The following PIP4P2 variants were observed in gnomAD, a reference collection of about 807,000 sequenced individuals.
The protein encoded by PIP4P2 is phosphatidylinositol-4,5-bisphosphate 4-phosphatase 2.
Under a neutral mutation model 33.3 loss-of-function variants are expected in PIP4P2, and 19 were observed. The observed-to-expected ratio is 0.57, with a 90% CI of 0.40 to 0.84. The LOEUF is 0.84. PIP4P2 is among the 40% of genes least tolerant of loss of function. The pLI, the probability that PIP4P2 is intolerant of heterozygous loss-of-function variation, is 0.00. For missense variants in PIP4P2, 270 were observed against 324.7 expected, an observed-to-expected ratio of 0.83 and a Z score of 1.29; for synonymous variants, 110 against 111.9, an observed-to-expected ratio of 0.98 and a Z score of 0.11.
chr8:91,025,197 G>T (rs547668928), intron 1 of PIP4P2, among the ~76,000 whole-genome samples: 1 of 144,002 alleles, frequency 6.9e-6, no homozygotes, highest in Middle Eastern at 3.3e-3. Context: ...GGGTGGGGGG[G>T]AATTAGAATA....
At chr8:90,996,787 T>C (rs976057056) in intron 5 of PIP4P2, 43 bp from the exon 6 acceptor site, 2 of 1,490,254 alleles carry the variant, frequency 1.3e-6, no homozygotes, top group African/African-American at 2.8e-5. Flanking sequence ...AGTATTTACA[T>C]AAAAATTCTC....
intron 4 of PIP4P2, among the ~76,000 whole-genome samples, chr8:91,017,706 C>G (rs1486705359): frequency 2.0e-5 from 3 of 151,936 alleles, no homozygotes; most frequent in African/African-American, 7.3e-5. Context: ...TTTTCATATT[C>G]AAGTTCTAAA....
At chr8:91,033,736 C>T (rs750828024) in intron 1 of PIP4P2, among the ~76,000 whole-genome samples, 10 of 152,248 alleles carry the variant, frequency 6.6e-5, no homozygotes, top group Non-Finnish European at 1.2e-4. Flanking sequence ...TTCTGCTGTC[C>T]TCTAAGTCAC....
In PIP4P2 at chr8:91,018,505, A is replaced by G. The variant is rs1811952093; in HGVS notation, c.371T>C (p.Ile124Thr). 1.2e-6 allele frequency: 2 copies of G among 1,613,216 alleles called. No individual in the cohort carries two copies. The highest frequency in any genetic ancestry group is 1.7e-6 in the Non-Finnish European group (2 of 1,179,794). ...IGCPRPNCRRIINLGPVMLIS... is the reference protein window; with the variant it reads ...IGCPRPNCRRTINLGPVMLIS... Reference sequence around the variant, plus strand: ...AAGCATTACTGGGCCAAGGTTAATTATCCGTCTACTGTGAAAAGAGAAAGG... The same window carrying G: ...AAGCATTACTGGGCCAAGGTTAATTGTCCGTCTACTGTGAAAAGAGAAAGG... The change falls in exon 4 of 7, where the codon ATA becomes ACA. Residue 124 changes from isoleucine (I) to threonine (T), a missense_variant. Ile to Thr is a moderately conservative substitution (Grantham distance 89, BLOSUM62 -1). Coordinates refer to ENST00000285419, the MANE Select transcript of PIP4P2 (RefSeq NM_018710.3).
At chr8:91,025,065 A>G (rs1352071116) in intron 1 of PIP4P2, among the ~76,000 whole-genome samples, 1 of 152,060 alleles carries the variant, frequency 6.6e-6, no homozygotes, top group East Asian at 1.9e-4. Context: ...TAATACAGGG[A>G]AAATATTTAA....
chr8:90,994,348 T>C lies in PIP4P2; in HGVS notation c.*1329A>G, dbSNP rs368991715. The C allele has an allele frequency of 1.3e-5, 2 of 152,220 alleles. No individual in the cohort carries two copies. Among genetic ancestry groups the C allele is most frequent in the South Asian group, 2.1e-4 (1 of 4,830 alleles). The allele number at this position is 152,220 out of a possible 1,614,324, so 9.4% of individuals were successfully genotyped here. ...AGCTACAGCATTTATACATTTGTCA[T>C]TTACTCTTTGAAGTGTACATGTATT... is the stretch of plus-strand genomic sequence containing the variant. On this transcript the variant is annotated 3_prime_UTR_variant, in exon 7 of 7. Transcript: ENST00000285419.
At chr8:91,011,019 G>GAGATAGAT (rs3084284) in intron 4 of PIP4P2, among the ~76,000 whole-genome samples, 10,021 of 145,288 alleles carry the variant, frequency 0.069, 488 homozygotes, top group African/African-American at 0.12. Context: ...GTATCTTACT[G>GAGATAGAT]AGATAGATAG....
chr8:91,031,040 G>C (rs1311358580), intron 1 of PIP4P2, among the ~76,000 whole-genome samples: 1 of 152,062 alleles, frequency 6.6e-6, no homozygotes, highest in Non-Finnish European at 1.5e-5. Flanking sequence ...TTTGAAGCTG[G>C]GTCATAAAAG....
chr8:91,010,491 T>C (rs1048664216), intron 4 of PIP4P2, among the ~76,000 whole-genome samples: 1 of 151,936 alleles, frequency 6.6e-6, no homozygotes, highest in Non-Finnish European at 1.5e-5. Flanking sequence ...AAATTATGCA[T>C]GATAAAATCA....
intron 1 of PIP4P2, among the ~76,000 whole-genome samples, chr8:91,031,379 T>A (rs71528762): frequency 3.3e-5 from 5 of 152,358 alleles, no homozygotes; most frequent in Admixed American, 3.3e-4. Context: ...CTCTATATTG[T>A]TTCTCCTCTG....
rs915342119 is a variant in PIP4P2, at chr8:91,040,685, G to A, written c.65C>T (p.Thr22Ile). 4 of 1,613,380 alleles carry A rather than the reference G, an allele frequency of 2.5e-6. No homozygotes were observed. Among genetic ancestry groups the A allele is most frequent in the Non-Finnish European group, 3.4e-6 (4 of 1,180,046 alleles). The change falls in exon 1 of 7, where the codon ACT becomes ATT. Residue 22 changes from threonine to isoleucine, a missense_variant. By Grantham distance (89) the Thr-to-Ile change is moderately conservative. Coordinates refer to ENST00000285419, the MANE Select transcript of PIP4P2 (RefSeq NM_018710.3). ...LLSASHSGNVTPTAPPYLQES... is the reference protein window; with the variant it reads ...LLSASHSGNVIPTAPPYLQES... Reference sequence around the variant, plus strand: ...TTGCAAGTACGGTGGGGCGGTGGGAGTGACATTTCCGGAGTGGGATGCTGA... The same window carrying A: ...TTGCAAGTACGGTGGGGCGGTGGGAATGACATTTCCGGAGTGGGATGCTGA...
chr8:91,011,520 T>C (rs1355567450), intron 4 of PIP4P2, among the ~76,000 whole-genome samples: 1 of 152,040 alleles, frequency 6.6e-6, no homozygotes, highest in Non-Finnish European at 1.5e-5. Flanking sequence ...TGTTTGGACA[T>C]ACAACATAAA....
chr8:91,010,956 G>GT (rs1474156448), intron 4 of PIP4P2, among the ~76,000 whole-genome samples: 2 of 12,420 alleles, frequency 1.6e-4, no homozygotes, highest in Non-Finnish European at 2.6e-4. Flanking sequence ...TAGAAGATTT[G>GT]TAAAAAAAAA....
intron 5 of PIP4P2, among the ~76,000 whole-genome samples, chr8:91,006,494 CG>C (rs1811765555): frequency 6.6e-6 from 1 of 151,950 alleles, no homozygotes; most frequent in Non-Finnish European, 1.5e-5. Flanking sequence ...TGCCATTGTA[CG>C]AAAATAATTA....
intron 5 of PIP4P2, 41 bp downstream of exon 5, chr8:91,008,702 C>G: frequency 1.9e-6 from 3 of 1,582,488 alleles, no homozygotes; most frequent in Non-Finnish European, 1.7e-6. Context: ...AAATTTGTCT[C>G]AAGTATTTCT....
intron 5 of PIP4P2, among the ~76,000 whole-genome samples, chr8:91,004,651 A>G (rs10112439): frequency 0.73 from 111,615 of 152,080 alleles, 41,969 homozygotes; most frequent in African/African-American, 0.85. Context: ...CCTTATTCCA[A>G]AGAGAATGGG....
At chr8:91,028,672 T>C (rs1812116777) in intron 1 of PIP4P2, among the ~76,000 whole-genome samples, 1 of 152,178 alleles carries the variant, frequency 6.6e-6, no homozygotes, top group South Asian at 2.1e-4. Flanking sequence ...CAAGTGGCAG[T>C]CCCCGGAACT....
rs896802613 is a variant in PIP4P2 at position 91,040,850 on chromosome 8, A to AGCTGCTGCT, written c.-110_-102dup. The AGCTGCTGCT allele has an allele frequency of 6.9e-6, 7 of 1,019,472 alleles. No homozygotes were observed. Among genetic ancestry groups the AGCTGCTGCT allele is most frequent in the African/African-American group, 3.3e-5 (2 of 60,766 alleles). 63.2% of individuals were successfully genotyped at this position (1,019,472 alleles called of 1,614,324 possible). On this transcript the variant is annotated 5_prime_UTR_variant, in exon 1 of 7. Transcript: ENST00000285419. ...CCTCTGCTGCCGCTGCTGCCGCTGC[A>AGCTGCTGCT]GCTGCTGCTGCTGCCGCCTCCGGGA...
intron 1 of PIP4P2, among the ~76,000 whole-genome samples, chr8:91,023,642 T>C (rs905915701): frequency 1.3e-5 from 2 of 151,380 alleles, no homozygotes; most frequent in Admixed American, 1.3e-4. Context: ...TGGAGGGACA[T>C]GGACAGAACA....
Sources: gnomAD v4.1 joint callset for allele counts (sites outside exome capture counted in the v4.1 genomes callset) on GRCh38, gnomAD v4.1.1 for gene constraint, MANE v1.5 for transcripts, NCBI Gene and HGNC (gene_info 2026-07-23, HGNC 2026-07-21) for gene names.